The following CDK14 variants were observed in gnomAD, a reference collection of about 807,000 sequenced individuals.
The protein encoded by CDK14 is cyclin-dependent kinase 14.
Under a neutral mutation model 60.7 loss-of-function variants are expected in CDK14, and 34 were observed. That is an observed-to-expected ratio of 0.56 (90% CI 0.43 to 0.75). The LOEUF (loss-of-function observed/expected upper bound fraction) is 0.75, where lower values mean the gene tolerates loss of function less well. Ranked by LOEUF, CDK14 falls within the 30% of genes least tolerant of loss-of-function variation. The pLI, the probability that CDK14 is intolerant of heterozygous loss-of-function variation, is 0.00. For missense variants in CDK14, 482 were observed against 564.1 expected (o/e 0.85, Z 1.47); for synonymous variants, 197 against 203.7 (o/e 0.97, Z 0.28).
chr7:90,681,108 C>G (rs1801306140), intron 2 of CDK14, among the ~76,000 whole-genome samples: 1 of 152,004 alleles, frequency 6.6e-6, no homozygotes, highest in South Asian at 2.1e-4. Flanking sequence ...TCTGTTATTC[C>G]CTTTTGATGT....
At chr7:91,072,649 A>G (rs971251001) in intron 11 of CDK14, among the ~76,000 whole-genome samples, 1 of 152,158 alleles carries the variant, frequency 6.6e-6, no homozygotes, top group African/African-American at 2.4e-5. Context: ...CTCTCCAGCA[A>G]TGGCGCAGAA....
At chr7:90,752,036 C>G (rs1338192554) in intron 4 of CDK14, among the ~76,000 whole-genome samples, 1 of 152,192 alleles carries the variant, frequency 6.6e-6, no homozygotes, top group Non-Finnish European at 1.5e-5. Flanking sequence ...GAAACAATTA[C>G]TTGTAGACCT....
intron 10 of CDK14, among the ~76,000 whole-genome samples, chr7:91,018,677 T>C (rs1050718540): frequency 6.6e-6 from 1 of 152,134 alleles, no homozygotes; most frequent in Non-Finnish European, 1.5e-5. Context: ...AGTGAGTGAA[T>C]TCTCCCAAAA....
intron 2 of CDK14, among the ~76,000 whole-genome samples, chr7:90,656,806 C>T (rs528699936): frequency 8.6e-4 from 131 of 152,250 alleles, no homozygotes; most frequent in African/African-American, 2.4e-3. Flanking sequence ...TGAGAAACAA[C>T]TTTATAGTTT....
chr7:90,865,525 G>A (rs931268233), intron 6 of CDK14, among the ~76,000 whole-genome samples: 1 of 152,040 alleles, frequency 6.6e-6, no homozygotes, highest in African/African-American at 2.4e-5. Context: ...TACTCTTCTT[G>A]CATGTTTTGA....
At chr7:91,028,763 T>C (rs2115922726) in intron 10 of CDK14, among the ~76,000 whole-genome samples, 1 of 152,324 alleles carries the variant, frequency 6.6e-6, no homozygotes, top group South Asian at 2.1e-4. Flanking sequence ...TTGTCCACTT[T>C]TAATGGGATT....
intron 6 of CDK14, among the ~76,000 whole-genome samples, chr7:90,877,691 A>G (rs1257387758): frequency 1.3e-5 from 2 of 152,152 alleles, no homozygotes; most frequent in Non-Finnish European, 2.9e-5. Context: ...CTTAGGAAAT[A>G]TGTGAGGAAA....
chr7:91,039,939 T>C (rs544381186), intron 10 of CDK14, among the ~76,000 whole-genome samples: 4 of 152,058 alleles, frequency 2.6e-5, no homozygotes, highest in South Asian at 4.2e-4. Context: ...ATAAAAAATT[T>C]AGTAGAATAG....
chr7:91,090,862 G>T (rs1047905487), intron 12 of CDK14, among the ~76,000 whole-genome samples: 1 of 152,004 alleles, frequency 6.6e-6, no homozygotes, highest in African/African-American at 2.4e-5. Flanking sequence ...CCATTTCACA[G>T]TCTAAGCTCT....
At chr7:90,851,870 C>T (rs899912060) in intron 5 of CDK14, among the ~76,000 whole-genome samples, 8 of 151,864 alleles carry the variant, frequency 5.3e-5, no homozygotes, top group South Asian at 2.1e-4. Context: ...CTACCTAGGC[C>T]GAAGTGCAGT....
At chr7:90,857,091 T>C (rs1790845189) in intron 5 of CDK14, among the ~76,000 whole-genome samples, 1 of 148,090 alleles carries the variant, frequency 6.8e-6, no homozygotes, top group Non-Finnish European at 1.5e-5. Flanking sequence ...AAGGTTTTTT[T>C]CCCCTTTATT....
At chr7:91,046,959 G>A (rs117003416) in intron 11 of CDK14, among the ~76,000 whole-genome samples, 2,400 of 152,250 alleles carry the variant, frequency 0.016, 29 homozygotes, top group Non-Finnish European at 0.023. Flanking sequence ...CTGAAAGTGC[G>A]CAGTGTGTTC....
chr7:90,790,043 A>G (rs1040782034), intron 4 of CDK14, among the ~76,000 whole-genome samples: 17 of 151,576 alleles, frequency 1.1e-4, no homozygotes, highest in Non-Finnish European at 1.9e-4. Flanking sequence ...TAGACCAAAT[A>G]TAATTTTAGG....
rs941650951 is a variant in CDK14 at position 90,686,094 on chromosome 7, A to G, written c.124-40473A>G. Among the ~76,000 whole-genome samples the G allele has an allele frequency of 2.0e-5, 3 of 152,166 alleles. No homozygotes were observed. The East Asian group carries it at 5.8e-4, about 29-fold the overall frequency. ...ACTTCCTTCAATATTTTCATCTTTA[A>G]GATGATATTGTAGCTACTTCATAAG... On this transcript the variant is annotated intron_variant, in intron 2 of 14. Coordinates refer to ENST00000380050, the MANE Select transcript of CDK14 (RefSeq NM_001287135.2).
intron 4 of CDK14, among the ~76,000 whole-genome samples, chr7:90,783,311 G>T (rs1227080853): frequency 6.6e-6 from 1 of 151,958 alleles, no homozygotes; most frequent in Non-Finnish European, 1.5e-5. Flanking sequence ...ATTAATCTTT[G>T]GGTTTTATTC....
intron 3 of CDK14, 26 bp downstream of exon 3, chr7:90,726,838 C>T (rs1054225376): frequency 1.4e-5 from 23 of 1,610,580 alleles, no homozygotes; most frequent in Non-Finnish European, 1.9e-5. Context: ...TTGTTTATCA[C>T]TGGGTAAACA....
intron 10 of CDK14, among the ~76,000 whole-genome samples, chr7:90,986,063 A>T (rs1323099733): frequency 6.6e-6 from 1 of 152,048 alleles, no homozygotes; most frequent in Admixed American, 6.6e-5. Flanking sequence ...TTCTATATGT[A>T]TTTGAAAAAA....
At chr7:90,624,014 A>T (rs188968251) in intron 2 of CDK14, among the ~76,000 whole-genome samples, 1 of 152,228 alleles carries the variant, frequency 6.6e-6, no homozygotes, top group African/African-American at 2.4e-5. Context: ...GTAGGGCTTC[A>T]TAGTTTACAA....
At chr7:90,954,225 T>G (rs1794341705) in intron 8 of CDK14, among the ~76,000 whole-genome samples, 1 of 152,150 alleles carries the variant, frequency 6.6e-6, no homozygotes, top group Non-Finnish European at 1.5e-5. Flanking sequence ...TCTTATTAAC[T>G]TTAAAATTTA....
Sources: allele counts gnomAD v4.1 joint callset (sites outside exome capture counted in the v4.1 genomes callset), GRCh38; gene constraint gnomAD v4.1.1; transcripts MANE v1.5; gene names NCBI Gene and HGNC (gene_info 2026-07-23, HGNC 2026-07-21).